BEND3: variants seen among roughly 807,000 people sequenced by gnomAD.
BEND3 encodes BEN domain-containing protein 3.
In BEND3, 13 loss-of-function variants were observed where a neutral mutation model predicts 60.1. The ratio of observed to expected loss-of-function variants is 0.22; its 90% CI spans 0.14 to 0.34. The LOEUF is 0.34. BEND3 is among the 10% of genes least tolerant of loss of function. The pLI is 1.00. For synonymous variants in BEND3, 497 were observed against 491.5 expected (o/e 1.01, Z -0.15); for missense variants, 896 against 1,138.1 (o/e 0.79, Z 3.06).
intron 3 of BEND3, among the ~76,000 whole-genome samples, chr6:107,082,160 T>G (rs1025757017): frequency 1.3e-5 from 2 of 152,194 alleles, no homozygotes; most frequent in African/African-American, 4.8e-5. Flanking sequence ...AACAGGACAC[T>G]AGCACATGTG....
chr6:107,087,486 G>T (rs782331412), intron 3 of BEND3, among the ~76,000 whole-genome samples: 7 of 151,910 alleles, frequency 4.6e-5, no homozygotes, highest in African/African-American at 1.7e-4. Flanking sequence ...TCGGCGAGGC[G>T]CAAGCACTTT....
At chr6:107,085,312 G>A (rs1775320826) in intron 3 of BEND3, among the ~76,000 whole-genome samples, 1 of 152,126 alleles carries the variant, frequency 6.6e-6, no homozygotes, top group South Asian at 2.1e-4. Context: ...GTGAGACTAA[G>A]AATCCACCAG....
At chr6:107,107,501 C>T (rs1399473668) in intron 1 of BEND3, among the ~76,000 whole-genome samples, 2 of 151,560 alleles carry the variant, frequency 1.3e-5, no homozygotes, top group Non-Finnish European at 2.9e-5. Context: ...CTCATTCTGT[C>T]GCCCAGGCTG....
intron 3 of BEND3, 146 bp from the exon 4 acceptor site, chr6:107,071,096 C>G: frequency 1.3e-6 from 1 of 754,742 alleles, no homozygotes; most frequent in Non-Finnish European, 2.1e-6. Context: ...ACTCTGTCAT[C>G]CAAGGATGCA....
Position 107,070,605 on chromosome 6 carries a change from T to C in BEND3, c.586A>G (p.Ile196Val). ...TDNDPNIYFL[I>V]QKMFYMLNTL... ...TTCAGCATGTAGAACATCTTCTGGA[T>C]CAGGAAGTAGATGTTGGGGTCGTTG... Residue 196 changes from isoleucine (I) to valine (V), a missense_variant, in exon 4 of 4, where the codon ATC (isoleucine) becomes GTC (valine). By Grantham distance (29) the Ile-to-Val change is conservative (BLOSUM62 3). Coordinates refer to ENST00000369042, the MANE Select transcript of BEND3 (RefSeq NM_001367314.1). The surrounding 1 kb of genome is among the most constrained non-coding windows in gnomAD (Gnocchi z 6.9). 1 of 1,612,414 alleles carries C rather than the reference T, an allele frequency of 6.2e-7. No homozygotes were observed. The highest frequency in any genetic ancestry group is 8.5e-7 in the Non-Finnish European group (1 of 1,179,980).
rs782540376 is a variant in BEND3 at position 107,070,871 on chromosome 6, C to A, written c.320G>T (p.Ser107Ile). ...CTCTCCAGGCCACACATTGCCCAGG[C>A]TCCTGCCCCTGCCGGCCTGCTCACC... is the stretch of plus-strand genomic sequence containing the variant. ...GNGEQAGRGR[S>I]LGNVWPGEEE... is the part of the protein sequence containing the mutation. The change falls in exon 4 of 4, where the codon AGC becomes ATC. Residue 107 changes from serine to isoleucine, a missense_variant. By Grantham distance (142) the Ser-to-Ile change is moderately radical (BLOSUM62 -2). Around this residue, in one of 4 missense-constraint regions of BEND3, gnomAD observed 846 missense variants for 1,036.7 expected, o/e 0.82. Transcript: ENST00000369042. This position sits in a 1 kb window ranked among gnomAD's most constrained non-coding sequence, Gnocchi z 6.9. 2 of 1,613,956 alleles carry A rather than the reference C, an allele frequency of 1.2e-6. No homozygotes were observed. The highest frequency in any genetic ancestry group is 1.7e-6 in the Non-Finnish European group (2 of 1,180,022).
intron 1 of BEND3, among the ~76,000 whole-genome samples, chr6:107,113,323 G>C (rs1770159883): frequency 1.3e-5 from 2 of 149,476 alleles, no homozygotes. Context: ...TGTAATCCCA[G>C]CTACTCCGTG....
rs1774897087 is a variant in BEND3, at chr6:107,069,088, G to A, written c.2103C>T (p.Ile701=). 1.2e-6 allele frequency: 2 copies of A among 1,613,150 alleles called. No individual in the cohort carries two copies. The highest frequency in any genetic ancestry group is 1.7e-6 in the Non-Finnish European group (2 of 1,179,978). ...PERSSKDFCK[I]PLDELVVPSP... The stretch of plus-strand genomic sequence containing the variant: ...AGGGGACCACCAGCTCGTCCAAGGG[G>A]ATCTTGCAAAAGTCCTTGCTGCTCC... Residue 701 remains isoleucine, a synonymous_variant, in exon 4 of 4, where the codon ATC becomes ATT. Coordinates refer to ENST00000369042, the MANE Select transcript of BEND3 (RefSeq NM_001367314.1).
chr6:107,078,082 T>C (rs377419788), intron 3 of BEND3, among the ~76,000 whole-genome samples: 68 of 152,334 alleles, frequency 4.5e-4, no homozygotes, highest in African/African-American at 1.5e-3. Context: ...GGCTACGAAG[T>C]CCTCTCCAAC....
intron 1 of BEND3, among the ~76,000 whole-genome samples, chr6:107,111,237 G>A (rs1171723566): frequency 6.6e-6 from 1 of 152,034 alleles, no homozygotes; most frequent in East Asian, 1.9e-4. Flanking sequence ...TAGGCTAGGC[G>A]TGGTGGCTCA....
chr6:107,110,708 CCAT>C (rs1311363364), intron 1 of BEND3, among the ~76,000 whole-genome samples: 2 of 152,026 alleles, frequency 1.3e-5, no homozygotes, highest in Admixed American at 6.6e-5. Flanking sequence ...TTACCCACCA[CCAT>C]ACCTGGCTAA....
At chr6:107,094,511 C>T (rs1394453429) in intron 3 of BEND3, among the ~76,000 whole-genome samples, 2 of 151,800 alleles carry the variant, frequency 1.3e-5, no homozygotes, top group East Asian at 1.9e-4. Flanking sequence ...ATTCCAGCTA[C>T]TCGGGAGGCT....
rs565149353 is a variant in BEND3 at position 107,114,138 on chromosome 6, G to A, written c.-12+952C>T. The A allele has an allele frequency of 5.9e-5, 9 of 152,384 alleles. No homozygotes were observed. The South Asian group carries it at 1.4e-3, about 25-fold the overall frequency. The allele number at this position is 152,384 out of a possible 1,614,324, so 9.4% of individuals were successfully genotyped here. ...CTTGTTTAAAATAGCTACATAGGGA[G>A]ACGTAGGTAAACAAGCACACAAGGG... On this transcript the variant is annotated intron_variant, in intron 1 of 3. Transcript: ENST00000369042.
rs1211110178 is a variant in BEND3 at position 107,115,427 on chromosome 6, G to A, written c.-349C>T. On this transcript the variant is annotated 5_prime_UTR_variant, in exon 1 of 4. Coordinates refer to ENST00000369042, the MANE Select transcript of BEND3 (RefSeq NM_001367314.1). ...GCGGGGCACACGCGGGACCGGCGGC[G>A]GCGGCGCTCGGGCGTGAACGGCCGC... Among the ~76,000 whole-genome samples the A allele has an allele frequency of 6.7e-6, 1 of 148,314 alleles. No individual in the cohort carries two copies. Among genetic ancestry groups the A allele is most frequent in the Non-Finnish European group, 1.5e-5 (1 of 66,562 alleles).
chr6:107,078,817 T>A (rs781932819), intron 3 of BEND3, among the ~76,000 whole-genome samples: 1 of 151,124 alleles, frequency 6.6e-6, no homozygotes, highest in Non-Finnish European at 1.5e-5. Flanking sequence ...AGCATGCTGG[T>A]AGTGATATGG....
intron 3 of BEND3, among the ~76,000 whole-genome samples, chr6:107,095,382 T>C (rs1394345560): frequency 2.6e-5 from 4 of 152,108 alleles, no homozygotes; most frequent in African/African-American, 9.7e-5. Context: ...TACTACCACA[T>C]ACCTATTAGA....
intron 1 of BEND3, chr6:107,113,782 A>G (rs1052847575): frequency 2.6e-5 from 4 of 151,980 alleles, no homozygotes; most frequent in Admixed American, 1.3e-4. Flanking sequence ...AGAGAGAAAA[A>G]CGGACTGCAA....
chr6:107,067,619 T>A lies in BEND3; in HGVS notation c.*1085A>T, dbSNP rs1036877067. 2 of 152,244 alleles carry A rather than the reference T, an allele frequency of 1.3e-5. No individual in the cohort carries two copies. The highest frequency in any genetic ancestry group is 1.3e-4 in the Admixed American group (2 of 15,284). The allele number at this position is 152,244 out of a possible 1,614,324, so 9.4% of individuals were successfully genotyped here. The stretch of plus-strand genomic sequence containing the variant: ...GCCTGTGTCCTTCCAATGCATGGTA[T>A]CCCCAAGAGGGGCCCAGACCTGGGC... On this transcript the variant is annotated 3_prime_UTR_variant, in exon 4 of 4. Coordinates refer to ENST00000369042, the MANE Select transcript of BEND3 (RefSeq NM_001367314.1).
At chr6:107,091,119 A>G (rs1174023356) in intron 3 of BEND3, among the ~76,000 whole-genome samples, 1 of 152,114 alleles carries the variant, frequency 6.6e-6, no homozygotes, top group Admixed American at 6.5e-5. Flanking sequence ...CGAAAAAAAA[A>G]AAAGAAAGAA....
Sources: allele counts gnomAD v4.1 joint callset (sites outside exome capture counted in the v4.1 genomes callset), GRCh38; gene constraint gnomAD v4.1.1; regional missense constraint gnomAD v4.1.1; non-coding constraint Gnocchi (gnomAD v3.1); transcripts MANE v1.5; gene names NCBI Gene and HGNC (gene_info 2026-07-23, HGNC 2026-07-21).